Variants in CDH18 observed in about 807,000 individuals in gnomAD.
CDH18 encodes the protein cadherin-18.
A neutral mutation model predicts 67.9 loss-of-function variants in CDH18; 31 were observed. That is an observed-to-expected ratio of 0.46 (90% confidence interval 0.34 to 0.62). The LOEUF (loss-of-function observed/expected upper bound fraction) is 0.62, where lower values mean the gene tolerates loss of function less well. Ranked by LOEUF, CDH18 falls within the 20% of genes least tolerant of loss-of-function variation. The pLI, the probability that CDH18 is intolerant of heterozygous loss-of-function variation, is 0.01. For synonymous variants in CDH18, 362 were observed against 347.2 expected (o/e 1.04, Z -0.48); for missense variants, 890 against 975.5 (o/e 0.91, Z 1.17).
chr5:20,565,619 G>C (rs1353823671), intron 1 of CDH18, among the ~76,000 whole-genome samples: 1 of 151,922 alleles, frequency 6.6e-6, no homozygotes, highest in Non-Finnish European at 1.5e-5. Flanking sequence ...ATTTCTTAGT[G>C]CTTTTGTGAA....
rs112535457 is a variant in CDH18, at chr5:20,432,518, T to G, written c.-580+142944A>C. Among the ~76,000 whole-genome samples the G allele has an allele frequency of 2.5e-4, 38 of 152,200 alleles. 1 individual carries two copies. The highest frequency in any genetic ancestry group is 7.2e-4 in the African/African-American group (30 of 41,546). ...TTTATGGCTTAGATAACAGGAATGC[T>G]TTTTCTTACAGTTTTGGAAGTAAGA... On this transcript the variant is annotated intron_variant, in intron 1 of 14. Transcript: ENST00000507958.
chr5:19,670,144 T>C (rs980925287), intron 5 of CDH18, among the ~76,000 whole-genome samples: 3 of 152,052 alleles, frequency 2.0e-5, no homozygotes, highest in Admixed American at 6.6e-5. Flanking sequence ...ATTTTGTGCA[T>C]AGAACTAGCA....
At chr5:20,401,802 T>A (rs536046694) in intron 1 of CDH18, among the ~76,000 whole-genome samples, 16 of 152,278 alleles carry the variant, frequency 1.1e-4, no homozygotes, top group African/African-American at 3.9e-4. Context: ...CCATAACTGG[T>A]TTTGATGTTT....
intron 2 of CDH18, among the ~76,000 whole-genome samples, chr5:20,152,559 A>G (rs1260736795): frequency 6.6e-6 from 1 of 152,050 alleles, no homozygotes; most frequent in Non-Finnish European, 1.5e-5. Flanking sequence ...CAATTCCCAC[A>G]AAAATAAAAA....
chr5:20,409,993 CA>C (rs1746631097), intron 1 of CDH18, among the ~76,000 whole-genome samples: 2 of 151,564 alleles, frequency 1.3e-5, no homozygotes, highest in South Asian at 2.1e-4. Context: ...AGTCATTATT[CA>C]AAAAACTCTC....
chr5:19,833,165 T>C (rs1225498391), intron 3 of CDH18, among the ~76,000 whole-genome samples: 1 of 152,150 alleles, frequency 6.6e-6, no homozygotes, highest in African/African-American at 2.4e-5. Flanking sequence ...GAGGATGGAA[T>C]GTTTTTTCAT....
intron 2 of CDH18, among the ~76,000 whole-genome samples, chr5:19,931,601 T>C (rs1027716823): frequency 2.0e-5 from 3 of 151,898 alleles, no homozygotes; most frequent in Non-Finnish European, 4.4e-5. Flanking sequence ...TGGTGTCTGG[T>C]TAGAGATCAG....
At chr5:19,588,022 G>A (rs533902730) in intron 7 of CDH18, among the ~76,000 whole-genome samples, 17 of 151,776 alleles carry the variant, frequency 1.1e-4, no homozygotes, top group East Asian at 9.7e-4. Context: ...TAACCATATC[G>A]CTAGGTATTT....
At chr5:19,846,862 T>C (rs531510072) in intron 2 of CDH18, among the ~76,000 whole-genome samples, 14 of 152,262 alleles carry the variant, frequency 9.2e-5, no homozygotes, top group Non-Finnish European at 1.0e-4. Flanking sequence ...CTTCATCTCT[T>C]TACTTTTGAA....
chr5:19,632,929 T>A (rs557048256), intron 5 of CDH18, among the ~76,000 whole-genome samples: 1 of 152,216 alleles, frequency 6.6e-6, no homozygotes, highest in South Asian at 2.1e-4. Context: ...CTGTTTTGCA[T>A]CAGCTGGCTG....
chr5:20,102,684 A>C lies in CDH18; in HGVS notation c.-517-110670T>G, dbSNP rs150596228. Among the ~76,000 whole-genome samples the C allele has an allele frequency of 6.6e-4, 101 of 152,294 alleles. 1 individual carries two copies. In the South Asian group the frequency reaches 0.018, roughly 27 times the overall value. On this transcript the variant is annotated intron_variant, in intron 2 of 14. Coordinates refer to the CDH18 transcript ENST00000507958. ...GACCTTTGACCCTCTGCAGACACTA[A>C]TTCAATCTGTGGGTATTTACAAACT...
intron 2 of CDH18, among the ~76,000 whole-genome samples, chr5:19,998,568 C>T (rs1368722155): frequency 6.6e-6 from 1 of 152,032 alleles, no homozygotes; most frequent in Non-Finnish European, 1.5e-5. Context: ...CAGAGTTCAA[C>T]ATAAAATTTG....
chr5:20,439,671 C>A (rs10155568), intron 1 of CDH18, among the ~76,000 whole-genome samples: 1 of 151,484 alleles, frequency 6.6e-6, no homozygotes, highest in Non-Finnish European at 1.5e-5. Flanking sequence ...ATGGCCCAAT[C>A]GAAACACTGT....
chr5:20,158,339 C>T (rs901032250), intron 2 of CDH18, among the ~76,000 whole-genome samples: 1 of 151,940 alleles, frequency 6.6e-6, no homozygotes, highest in East Asian at 1.9e-4. Context: ...TTTTTCACAA[C>T]AAGGCATATT....
chr5:20,323,706 G>A (rs780441941), intron 1 of CDH18, among the ~76,000 whole-genome samples: 8 of 152,066 alleles, frequency 5.3e-5, no homozygotes, highest in Non-Finnish European at 8.8e-5. Context: ...TAGTTCTTTT[G>A]CATTTATGCA....
chr5:19,521,823 TTTAC>T (rs1395539120), intron 9 of CDH18, among the ~76,000 whole-genome samples: 1 of 152,070 alleles, frequency 6.6e-6, no homozygotes, highest in Non-Finnish European at 1.5e-5. Flanking sequence ...TCCCAGATTT[TTTAC>T]TTAAAGTAAC....
In CDH18 at chr5:19,700,435, CTGTG is replaced by C. The variant is rs778408495; in HGVS notation, c.643+20908_643+20911del. On this transcript the variant is annotated intron_variant, in intron 5 of 12. Coordinates refer to ENST00000382275, the MANE Select transcript of CDH18 (RefSeq NM_004934.5). ...AGCGCATGACTGTGTGTGTATATGC[CTGTG>C]TGTCTCTCTGTGTATACAAACAGTG... 2.0e-4 allele frequency among the ~76,000 whole-genome samples: 31 copies of C among 152,250 alleles called. 1 individual carries two copies. The highest frequency in any genetic ancestry group is 1.4e-3 in the Admixed American group (21 of 15,282).
chr5:20,060,006 A>G (rs755982203), intron 2 of CDH18, among the ~76,000 whole-genome samples: 7 of 152,164 alleles, frequency 4.6e-5, no homozygotes, highest in Non-Finnish European at 1.0e-4. Flanking sequence ...GGATAGCATT[A>G]GAAGAAATAC....
At chr5:19,716,262 C>A (rs1765326893) in intron 5 of CDH18, among the ~76,000 whole-genome samples, 1 of 152,090 alleles carries the variant, frequency 6.6e-6, no homozygotes, top group African/African-American at 2.4e-5. Flanking sequence ...AAGCAAAAAA[C>A]TTAATTAATT....
Sources: gnomAD v4.1 joint callset for allele counts (sites outside exome capture counted in the v4.1 genomes callset) on GRCh38, gnomAD v4.1.1 for gene constraint, MANE v1.5 for transcripts, NCBI Gene and HGNC (gene_info 2026-07-23, HGNC 2026-07-21) for gene names.